NCALD: variants seen among roughly 807,000 people sequenced by gnomAD.
The protein encoded by NCALD is neurocalcin delta, also known as neurocalcin-delta.
In NCALD, 10 loss-of-function variants were observed where a neutral mutation model predicts 18.6. That is an observed-to-expected ratio of 0.54 (90% CI 0.33 to 0.91). The LOEUF (loss-of-function observed/expected upper bound fraction) is 0.91, where lower values mean the gene tolerates loss of function less well. Ranked by LOEUF, NCALD falls within the 40% of genes least tolerant of loss-of-function variation. The pLI is 0.03. For missense variants in NCALD, 184 were observed against 247.6 expected (o/e 0.74, Z 1.72); for synonymous variants, 88 against 87.4 (o/e 1.01, Z -0.04).
At chr8:101,748,964 C>A (rs1487272828) in intron 1 of NCALD, among the ~76,000 whole-genome samples, 2 of 152,142 alleles carry the variant, frequency 1.3e-5, no homozygotes, top group Admixed American at 6.5e-5. Flanking sequence ...AGTGTGGTCT[C>A]TTTTGCTCTT....
intron 4 of NCALD, among the ~76,000 whole-genome samples, chr8:101,818,611 A>G (rs904757050): frequency 9.8e-5 from 15 of 152,330 alleles, no homozygotes; most frequent in African/African-American, 3.6e-4. Context: ...GTTTCTAGCC[A>G]AATTCCAGTG....
At chr8:102,011,596 G>GTATAAAACT (rs1188103369) in intron 2 of NCALD, among the ~76,000 whole-genome samples, 1 of 152,120 alleles carries the variant, frequency 6.6e-6, no homozygotes, top group East Asian at 1.9e-4. Flanking sequence ...ACAATCTTAT[G>GTATAAAACT]TATAAAACTT....
chr8:101,964,919 C>T (rs538484077), intron 2 of NCALD, among the ~76,000 whole-genome samples: 2 of 152,162 alleles, frequency 1.3e-5, no homozygotes, highest in Non-Finnish European at 2.9e-5. Flanking sequence ...GTTAGGAATG[C>T]CCACTTCTTC....
At chr8:101,800,570 A>G (rs1201066741) in intron 4 of NCALD, among the ~76,000 whole-genome samples, 1 of 151,976 alleles carries the variant, frequency 6.6e-6, no homozygotes, top group Non-Finnish European at 1.5e-5. Flanking sequence ...ATTGCAATTA[A>G]AAGAAAATAA....
At chr8:102,050,910 A>C (rs1284778248) in intron 1 of NCALD, among the ~76,000 whole-genome samples, 1 of 146,832 alleles carries the variant, frequency 6.8e-6, no homozygotes, top group Admixed American at 6.8e-5. Context: ...AATTTTATAT[A>C]TAAGTATATA....
intron 4 of NCALD, among the ~76,000 whole-genome samples, chr8:101,823,240 C>T (rs1040282020): frequency 6.6e-5 from 10 of 152,158 alleles, no homozygotes; most frequent in Non-Finnish European, 1.5e-4. Flanking sequence ...TTGTTTTCCT[C>T]CCGCTATTAG....
At chr8:102,089,651 G>C (rs1824858889) in intron 1 of NCALD, among the ~76,000 whole-genome samples, 1 of 152,006 alleles carries the variant, frequency 6.6e-6, no homozygotes. Context: ...TGTAAAGAAA[G>C]TGAAAGGTGT....
chr8:102,074,986 C>T (rs1824295096), intron 1 of NCALD, among the ~76,000 whole-genome samples: 1 of 152,076 alleles, frequency 6.6e-6, no homozygotes, highest in Non-Finnish European at 1.5e-5. Flanking sequence ...GCTGCTACAC[C>T]TCCATGCATC....
intron 2 of NCALD, among the ~76,000 whole-genome samples, chr8:101,713,794 C>T (rs1298216357): frequency 1.3e-5 from 2 of 151,988 alleles, no homozygotes; most frequent in Non-Finnish European, 1.5e-5. Context: ...AATTGATAGC[C>T]TACCAACAAA....
chr8:102,027,551 A>G (rs1822505014), intron 1 of NCALD, among the ~76,000 whole-genome samples: 1 of 152,182 alleles, frequency 6.6e-6, no homozygotes, highest in African/African-American at 2.4e-5. Flanking sequence ...GGAAGTTTCA[A>G]ACTTCCATAT....
Position 101,692,758 on chromosome 8 carries a change from T to C in NCALD, c.484+33A>G, listed in dbSNP as rs749066072. 1.9e-6 allele frequency: 3 copies of C among 1,574,306 alleles called. No individual in the cohort carries two copies. In the African/African-American group the frequency reaches 4.1e-5, roughly 21 times the overall value. On this transcript the variant is annotated intron_variant, in intron 3 of 3. Transcript: ENST00000220931. Reference sequence around the variant, plus strand: ...TCTCCAGTCCTTCCAGCAGCCCCCATCTGAGCAAAGCAGTGTAGCCCCCGC... The same window carrying C: ...TCTCCAGTCCTTCCAGCAGCCCCCACCTGAGCAAAGCAGTGTAGCCCCCGC...
At chr8:101,763,212 G>T (rs1811186996) in intron 1 of NCALD, among the ~76,000 whole-genome samples, 1 of 152,192 alleles carries the variant, frequency 6.6e-6, no homozygotes, top group Admixed American at 6.5e-5. Flanking sequence ...AGGAGACCAG[G>T]AATACCGGTG....
intron 1 of NCALD, among the ~76,000 whole-genome samples, chr8:101,776,013 G>A (rs770499263): frequency 3.9e-5 from 6 of 152,146 alleles, no homozygotes; most frequent in East Asian, 1.9e-4. Flanking sequence ...TGATGGGTAC[G>A]CCCTTGGAGT....
intron 1 of NCALD, among the ~76,000 whole-genome samples, chr8:102,096,784 C>G (rs1305925378): frequency 3.3e-5 from 5 of 152,174 alleles, no homozygotes; most frequent in African/African-American, 1.2e-4. Context: ...GTGCTGGGGC[C>G]CACTCCCACC....
At chr8:101,737,193 A>G (rs1479793124) in intron 1 of NCALD, among the ~76,000 whole-genome samples, 2 of 151,954 alleles carry the variant, frequency 1.3e-5, no homozygotes, top group African/African-American at 4.8e-5. Context: ...ATCGTGGCTC[A>G]CCAGTGTCAC....
chr8:102,019,483 GA>G (rs1490730910), intron 2 of NCALD, among the ~76,000 whole-genome samples: 3 of 152,020 alleles, frequency 2.0e-5, no homozygotes, highest in Admixed American at 6.6e-5. Context: ...GACTCAAGAA[GA>G]AATAGAAAAC....
At chr8:101,714,332 T>A (rs1045712326) in intron 2 of NCALD, among the ~76,000 whole-genome samples, 3 of 152,102 alleles carry the variant, frequency 2.0e-5, no homozygotes, top group African/African-American at 7.2e-5. Context: ...ATCACAAGCT[T>A]TCCTATACAC....
intron 2 of NCALD, among the ~76,000 whole-genome samples, chr8:101,966,850 T>C (rs1243573200): frequency 6.6e-6 from 1 of 152,172 alleles, no homozygotes; most frequent in African/African-American, 2.4e-5. Context: ...ATAACCATTG[T>C]GTCAAAAACA....
At chr8:101,874,508 C>T (rs1816147531) in intron 4 of NCALD, among the ~76,000 whole-genome samples, 1 of 152,144 alleles carries the variant, frequency 6.6e-6, no homozygotes, top group Admixed American at 6.6e-5. Flanking sequence ...CAAAGGCCCC[C>T]AGTCGAACAG....
Sources: allele counts gnomAD v4.1 joint callset (sites outside exome capture counted in the v4.1 genomes callset), GRCh38; gene constraint gnomAD v4.1.1; transcripts MANE v1.5; gene names NCBI Gene and HGNC (gene_info 2026-07-23, HGNC 2026-07-21).